Variants in HARS2 observed in about 807,000 individuals in gnomAD.
HARS2 encodes the protein histidyl-tRNA synthetase 2, mitochondrial.
HARS2 carries 40 observed loss-of-function variants against 62.4 expected under a neutral mutation model. That is an observed-to-expected ratio of 0.64 (90% CI 0.50 to 0.83). The LOEUF is 0.83. Among genes scored for constraint, HARS2 ranks in the 40% least tolerant of loss-of-function variants. The pLI is 0.00. For missense variants in HARS2, 569 were observed against 626.4 expected, an observed-to-expected ratio of 0.91 and a Z score of 0.98; for synonymous variants, 228 against 227.0, an observed-to-expected ratio of 1.00 and a Z score of -0.04.
chr5:140,693,733 C>G (rs1005529489), intron 2 of HARS2, 68 bp downstream of exon 2: 1 of 1,325,334 alleles, frequency 7.5e-7, no homozygotes, highest in African/African-American at 1.4e-5. Context: ...TTGCATGTCT[C>G]TCTGACCCCT....
chr5:140,696,884 A>G, intron 8 of HARS2, 59 bp from the exon 9 acceptor site: 1 of 1,304,654 alleles, frequency 7.7e-7, no homozygotes. Context: ...AGAGCACATT[A>G]GGGATAATTT....
chr5:140,696,708 T>C (rs1332966609), intron 8 of HARS2, 94 bp downstream of exon 8: 9 of 977,932 alleles, frequency 9.2e-6, no homozygotes, highest in Middle Eastern at 2.1e-4. Context: ...TCTGTAGATA[T>C]GCTAAGCTCC....
At chr5:140,694,140 G>A (rs748677831) in intron 3 of HARS2, 45 bp from the exon 4 acceptor site, 2 of 1,604,216 alleles carry the variant, frequency 1.2e-6, no homozygotes, top group South Asian at 1.1e-5. Flanking sequence ...TCTGTGTTTT[G>A]GAGTCATGCT....
At chr5:140,696,370 AT>A (rs1242394219) in intron 7 of HARS2, 150 bp from the exon 8 acceptor site, 2 of 801,002 alleles carry the variant, frequency 2.5e-6, no homozygotes, top group African/African-American at 3.4e-5. Flanking sequence ...TACAGTGGGG[AT>A]TGTGACTGGA....
chr5:140,695,819 T>C lies in HARS2; in HGVS notation c.607T>C (p.Leu203=), dbSNP rs181809358. 2.0e-5 allele frequency: 32 copies of C among 1,612,066 alleles called. No homozygotes were observed. The East Asian group carries it at 6.7e-4, about 34-fold the overall frequency. Residue 203 remains leucine, a synonymous_variant, in exon 6 of 13, where the codon TTG becomes CTG. Transcript: ENST00000230771. ...LKIMCEILSG[L]QLGDFLIKVN... ...GATCATGTGTGAAATCCTAAGTGGA[T>C]TGCAGTTGGGAGACTTTCTCATTAA...
At position 140,697,003 on chromosome 5, in the gene HARS2, C is replaced by T. The variant is rs1257597240; in HGVS notation, c.887C>T (p.Ala296Val). The T allele has an allele frequency of 6.2e-7, 1 of 1,613,814 alleles. No homozygotes were observed. Among genetic ancestry groups the T allele is most frequent in the Admixed American group, 1.7e-5 (1 of 60,020 alleles). Residue 296 changes from alanine (A) to valine (V), a missense_variant, in exon 9 of 13, where the codon GCC becomes GTC. Transcript: ENST00000230771. Reference protein sequence around the residue: ...QDPRLSQNKQALEGLGDLKLL... With the variant: ...QDPRLSQNKQVLEGLGDLKLL... ...CCCAGACTATCCCAGAACAAGCAGG[C>T]CCTGGAGGGCCTGGGAGACCTAAAG...
Position 140,696,949 on chromosome 5 carries a change from T to C in HARS2, c.833T>C (p.Val278Ala), listed in dbSNP as rs1324827592. Residue 278 changes from valine to alanine, a missense_variant, in exon 9 of 13, where the codon GTA becomes GCA. By Grantham distance (64) the Val-to-Ala change is moderately conservative. Coordinates refer to ENST00000230771, the MANE Select transcript of HARS2 (RefSeq NM_012208.4). The stretch of plus-strand genomic sequence containing the variant: ...AGACTTTATTTCTCTCCAGGTGGGG[T>C]ATCCCTAGTAGAGCAAATGTTTCAG... ...IGDYVQCHGGVSLVEQMFQDP... is the reference protein window; with the variant it reads ...IGDYVQCHGGASLVEQMFQDP... The C allele has an allele frequency of 6.2e-7, 1 of 1,612,952 alleles. No individual in the cohort carries two copies. Among genetic ancestry groups the C allele is most frequent in the South Asian group, 1.1e-5 (1 of 90,966 alleles).
chr5:140,694,833 C>G (rs563074931), intron 4 of HARS2, among the ~76,000 whole-genome samples: 1 of 152,288 alleles, frequency 6.6e-6, no homozygotes, highest in African/African-American at 2.4e-5. Flanking sequence ...GTAATCCCAG[C>G]TACTAGGGAG....
At chr5:140,695,479 A>G (rs1286079994) in intron 4 of HARS2, 29 bp from the exon 5 acceptor site, 5 of 1,613,588 alleles carry the variant, frequency 3.1e-6, no homozygotes, top group Non-Finnish European at 4.2e-6. Flanking sequence ...TGGATGCAGT[A>G]TCCCTCTTCC....
intron 2 of HARS2, 122 bp downstream of exon 2, chr5:140,693,787 T>C: frequency 2.5e-6 from 3 of 1,201,122 alleles, no homozygotes; most frequent in Non-Finnish European, 3.7e-6. Context: ...ATACTATTCT[T>C]GAGATACTAG....
At position 140,695,567 on chromosome 5, in the gene HARS2, T is replaced by A; in HGVS notation, c.459T>A (p.Val153=). 1 of 1,614,178 alleles carries A rather than the reference T, an allele frequency of 6.2e-7. No homozygotes were observed. The highest frequency in any genetic ancestry group is 2.2e-5 in the East Asian group (1 of 44,882). The part of the protein sequence containing the change: ...NKVKKMKRYH[V]GKVWRRESPT... The stretch of plus-strand genomic sequence containing the variant: ...TGAAGAAGATGAAACGTTATCATGT[T>A]GGAAAGGTGTGGCGGCGAGAGAGCC... The change falls in exon 5 of 13, where the codon GTT becomes GTA. Residue 153 remains valine, a synonymous_variant. Transcript: ENST00000230771.
chr5:140,695,388 A>G, intron 4 of HARS2, 120 bp from the exon 5 acceptor site: 1 of 1,118,038 alleles, frequency 8.9e-7, no homozygotes, highest in South Asian at 1.2e-5. Flanking sequence ...TAGTGGAAAA[A>G]AGGGAAGGTC....
Position 140,696,974 on chromosome 5 carries a change from G to A in HARS2, c.858G>A (p.Gln286=), listed in dbSNP as rs529926280. The A allele has an allele frequency of 3.7e-6, 6 of 1,613,860 alleles. No individual in the cohort carries two copies. The East Asian group carries it at 1.3e-4, about 36-fold the overall frequency. Residue 286 remains glutamine (Q), a synonymous_variant, in exon 9 of 13, where the codon CAG becomes CAA. Coordinates refer to ENST00000230771, the MANE Select transcript of HARS2 (RefSeq NM_012208.4). ...GGVSLVEQMF[Q]DPRLSQNKQA... is the part of the protein sequence containing the mutation. ...TATCCCTAGTAGAGCAAATGTTTCA[G>A]GATCCCAGACTATCCCAGAACAAGC...
rs1461585171 is a variant in HARS2, at chr5:140,696,948, G to A, written c.832G>A (p.Val278Ile). 6.2e-7 allele frequency: 1 copy of A among 1,613,330 alleles called. No individual in the cohort carries two copies. Among genetic ancestry groups the A allele is most frequent in the South Asian group, 1.1e-5 (1 of 90,984 alleles). ...IGDYVQCHGG[V>I]SLVEQMFQDP... ...GAGACTTTATTTCTCTCCAGGTGGG[G>A]TATCCCTAGTAGAGCAAATGTTTCA... is the stretch of plus-strand genomic sequence containing the variant. Residue 278 changes from valine to isoleucine, a missense_variant, in exon 9 of 13, where the codon GTA (valine) becomes ATA (isoleucine). Coordinates refer to ENST00000230771, the MANE Select transcript of HARS2 (RefSeq NM_012208.4).
chr5:140,694,048 GC>G lies in HARS2; in HGVS notation c.298del (p.Leu100Ter). On this transcript the variant is annotated frameshift_variant, in exon 3 of 13. Coordinates refer to ENST00000230771, the MANE Select transcript of HARS2 (RefSeq NM_012208.4). LOFTEE classifies it high-confidence loss of function. The part of the protein sequence containing the change: ...AKGMDTPAFE[L>X]KETLTEKYGE... ...AGGGGATGGACACCCCAGCATTTGA[GC>G]TGAAGGTAAGGGGAGAAGAAAGAGT... 6.2e-7 allele frequency: 1 copy of G among 1,614,216 alleles called. No homozygotes were observed. Among genetic ancestry groups the G allele is most frequent in the Non-Finnish European group, 8.5e-7 (1 of 1,180,016 alleles).
At position 140,695,543 on chromosome 5, in the gene HARS2, G is replaced by T. The variant is rs1386933206; in HGVS notation, c.435G>T (p.Val145=). ...CTCGTTATCTGGCCATGAATAAGGT[G>T]AAGAAGATGAAACGTTATCATGTTG... The part of the protein sequence containing the change: ...PFARYLAMNK[V]KKMKRYHVGK... The change falls in exon 5 of 13, where the codon GTG becomes GTT. Residue 145 remains valine (V), a synonymous_variant. Coordinates refer to ENST00000230771, the MANE Select transcript of HARS2 (RefSeq NM_012208.4). 6.2e-7 allele frequency: 1 copy of T among 1,614,140 alleles called. No individual in the cohort carries two copies. The highest frequency in any genetic ancestry group is 2.2e-5 in the East Asian group (1 of 44,878).
intron 1 of HARS2, 137 bp from the exon 2 acceptor site, chr5:140,693,454 G>C (rs528792568): frequency 6.4e-7 from 1 of 1,554,140 alleles, no homozygotes; most frequent in Admixed American, 1.9e-5. Flanking sequence ...CTGAGATTGG[G>C]ATAGATGAAA....
chr5:140,695,824 G>A lies in HARS2; in HGVS notation c.612G>A (p.Gln204=). ...KIMCEILSGL[Q]LGDFLIKVND... ...TGTGTGAAATCCTAAGTGGATTGCA[G>A]TTGGGAGACTTTCTCATTAAGGTGA... The change falls in exon 6 of 13, where the codon CAG becomes CAA. Residue 204 remains glutamine, a synonymous_variant. Transcript: ENST00000230771. 1 of 1,609,834 alleles carries A rather than the reference G, an allele frequency of 6.2e-7. No homozygotes were observed. The highest frequency in any genetic ancestry group is 8.5e-7 in the Non-Finnish European group (1 of 1,175,992).
Position 140,691,482 on chromosome 5 carries a change from G to C in HARS2, c.-167G>C, listed in dbSNP as rs868803425. 2.5e-5 allele frequency: 18 copies of C among 714,788 alleles called. No homozygotes were observed. The African/African-American group carries it at 3.2e-4, about 13-fold the overall frequency. The allele number at this position is 714,788 out of a possible 1,614,324, so 44.3% of individuals were successfully genotyped here. A position where few individuals can be genotyped will look rare whatever the true frequency, so the allele number is the denominator to read the frequency against. ...CGAAGCTGGCTACTAAGGGAACTTG[G>C]GAGGATCCCACCTCAGCCTTCGTGA... On this transcript the variant is annotated 5_prime_UTR_variant, in exon 1 of 13. Coordinates refer to ENST00000230771, the MANE Select transcript of HARS2 (RefSeq NM_012208.4).
Sources: allele counts gnomAD v4.1 joint callset (sites outside exome capture counted in the v4.1 genomes callset), GRCh38; gene constraint gnomAD v4.1.1; transcripts MANE v1.5; gene names NCBI Gene and HGNC (gene_info 2026-07-23, HGNC 2026-07-21).